Variants in CASP10 observed in about 807,000 individuals in gnomAD.
The protein encoded by CASP10 is caspase-10.
CASP10 carries 41 observed loss-of-function variants against 48.5 expected under a neutral mutation model. That is an observed-to-expected ratio of 0.85 (90% CI 0.66 to 1.10). The LOEUF (loss-of-function observed/expected upper bound fraction) is 1.10, where lower values mean the gene tolerates loss of function less well. Among genes scored for constraint, CASP10 ranks in the 50% least tolerant of loss-of-function variants. The pLI is 0.00. For missense variants in CASP10, 614 were observed against 614.5 expected (o/e 1.00, Z 0.01); for synonymous variants, 232 against 238.4 (o/e 0.97, Z 0.25).
intron 6 of CASP10, among the ~76,000 whole-genome samples, chr2:201,204,697 C>T (rs1253967398): frequency 1.3e-5 from 2 of 152,190 alleles, no homozygotes; most frequent in African/African-American, 4.8e-5. Flanking sequence ...AGCTTACTCT[C>T]CTAAGGCCAG....
At chr2:201,212,631 G>A (rs1576134913) in intron 9 of CASP10, 1 of 152,178 alleles carries the variant, frequency 6.6e-6, no homozygotes, top group African/African-American at 2.4e-5. Context: ...CAGCCAATTA[G>A]TAGAAAAGAT....
rs1945698780 is a variant in CASP10, at chr2:201,220,639, C to G, written c.*2898C>G. 1 of 576,908 alleles carries G rather than the reference C, an allele frequency of 1.7e-6. No individual in the cohort carries two copies. The highest frequency in any genetic ancestry group is 2.0e-5 in the African/African-American group (1 of 49,286). 35.7% of individuals were successfully genotyped at this position (576,908 alleles called of 1,614,324 possible). On this transcript the variant is annotated 3_prime_UTR_variant, in exon 10 of 10. Transcript: ENST00000286186. The stretch of plus-strand genomic sequence containing the variant: ...TGTAAGTGAGTGGGCTCTGACCTAA[C>G]TCGGCCAGAAGCCCCTTTCAAATTT...
chr2:201,189,102 C>A (rs923717282), intron 3 of CASP10, among the ~76,000 whole-genome samples: 7 of 151,920 alleles, frequency 4.6e-5, no homozygotes, highest in Non-Finnish European at 8.8e-5. Context: ...GAACTCCTGA[C>A]TTTAGGTGAT....
chr2:201,222,191 C>G (rs924275140), downstream of CASP10, among the ~76,000 whole-genome samples: 14 of 150,806 alleles, frequency 9.3e-5, no homozygotes, highest in African/African-American at 3.2e-4. Flanking sequence ...AAATGTTTCT[C>G]TCTTTCCCCT....
chr2:201,187,449 T>G (rs1248950506), intron 2 of CASP10, among the ~76,000 whole-genome samples: 1 of 152,108 alleles, frequency 6.6e-6, no homozygotes, highest in Admixed American at 6.6e-5. Flanking sequence ...TAAATATGCC[T>G]TCTTAGTGTG....
intron 3 of CASP10, among the ~76,000 whole-genome samples, chr2:201,192,013 T>C (rs901165142): frequency 3.3e-5 from 5 of 152,246 alleles, no homozygotes; most frequent in African/African-American, 4.8e-5. Context: ...AAACATCTAA[T>C]AAACTTTTAG....
At chr2:201,209,823 A>G (rs1421006845) in intron 9 of CASP10, among the ~76,000 whole-genome samples, 1 of 152,032 alleles carries the variant, frequency 6.6e-6, no homozygotes, top group Non-Finnish European at 1.5e-5. Context: ...TGTATTGAGT[A>G]CCAGCCTGGA....
Position 201,209,286 on chromosome 2 carries a change from A to G in CASP10, c.1139A>G (p.His380Arg), listed in dbSNP as rs1265165148. Residue 380 changes from histidine (H) to arginine (R), a missense_variant, in exon 9 of 10, where the codon CAC becomes CGC. Physicochemically the swap from His to Arg is conservative, Grantham distance 29. Coordinates refer to ENST00000286186, the MANE Select transcript of CASP10 (RefSeq NM_032977.4). ...ATTCCCATTCGGGAGATCATGTCTC[A>G]CTTCACAGCCCTGCAGTGCCCTAGA... is the stretch of plus-strand genomic sequence containing the variant. The part of the protein sequence containing the change: ...ALIPIREIMS[H>R]FTALQCPRLA... The G allele has an allele frequency of 1.9e-6, 3 of 1,614,112 alleles. No homozygotes were observed. Among genetic ancestry groups the G allele is most frequent in the Admixed American group, 3.3e-5 (2 of 60,022 alleles).
At position 201,192,973 on chromosome 2, in the gene CASP10, T is replaced by A; in HGVS notation, c.442-11T>A. 1 of 1,612,710 alleles carries A rather than the reference T, an allele frequency of 6.2e-7. No individual in the cohort carries two copies. Among genetic ancestry groups the A allele is most frequent in the Non-Finnish European group, 8.5e-7 (1 of 1,179,034 alleles). ...AGGCAAGTAAATGTAACTCTATTGA[T>A]TCTCTTGTAGACCTCCCTAAGTTTC... is the stretch of plus-strand genomic sequence containing the variant. On this transcript the variant is annotated splice_polypyrimidine_tract_variant and intron_variant, in intron 3 of 9. Transcript: ENST00000286186.
chr2:201,205,469 G>C (rs972922876), intron 6 of CASP10, among the ~76,000 whole-genome samples: 3 of 151,770 alleles, frequency 2.0e-5, no homozygotes, highest in Non-Finnish European at 2.9e-5. Context: ...GGGCTCAAGC[G>C]ATCAGCCCGT....
At chr2:201,215,587 A>C (rs10931932) in intron 9 of CASP10, among the ~76,000 whole-genome samples, 134,096 of 152,010 alleles carry the variant, frequency 0.88, 59,378 homozygotes, top group Non-Finnish European at 0.91. Flanking sequence ...TATTTCTGGG[A>C]TCTATATTCT....
intron 4 of CASP10, among the ~76,000 whole-genome samples, chr2:201,195,605 G>T (rs1944761874): frequency 6.6e-6 from 1 of 152,112 alleles, no homozygotes; most frequent in Admixed American, 6.5e-5. Flanking sequence ...GTCCAAGCTA[G>T]GATACTGGCT....
At chr2:201,200,914 G>A (rs1326550455) in intron 5 of CASP10, among the ~76,000 whole-genome samples, 3 of 152,026 alleles carry the variant, frequency 2.0e-5, no homozygotes, top group Admixed American at 2.0e-4. Context: ...AGGGAGAGAG[G>A]CTGCTCCCCT....
At chr2:201,199,672 T>C (rs1043155550) in intron 5 of CASP10, among the ~76,000 whole-genome samples, 7 of 151,124 alleles carry the variant, frequency 4.6e-5, no homozygotes, top group African/African-American at 7.3e-5. Context: ...CCTCCCAGGT[T>C]AAAGCAATTC....
intron 9 of CASP10, among the ~76,000 whole-genome samples, chr2:201,215,991 C>T (rs541550510): frequency 6.6e-6 from 1 of 151,992 alleles, no homozygotes; most frequent in East Asian, 1.9e-4. Context: ...CTGTAGGTCA[C>T]CTTGGGTAGT....
chr2:201,217,080 C>T (rs1337711168), intron 9 of CASP10, among the ~76,000 whole-genome samples: 3 of 152,184 alleles, frequency 2.0e-5, no homozygotes, highest in Non-Finnish European at 4.4e-5. Context: ...TGTTTCATAT[C>T]TGCATTCTAA....
At chr2:201,193,231 T>A in intron 4 of CASP10, 112 bp downstream of exon 4, 1 of 1,090,918 alleles carries the variant, frequency 9.2e-7, no homozygotes, top group Non-Finnish European at 1.4e-6. Flanking sequence ...TGAGGCAGAG[T>A]CTCACTCACT....
chr2:201,215,474 A>G (rs1357169527), intron 9 of CASP10, among the ~76,000 whole-genome samples: 2 of 151,872 alleles, frequency 1.3e-5, no homozygotes, highest in African/African-American at 4.8e-5. Flanking sequence ...CTGTGTATGG[A>G]TATTCAATTT....
chr2:201,202,415 GC>G (rs1206673144), intron 5 of CASP10, among the ~76,000 whole-genome samples: 1 of 152,164 alleles, frequency 6.6e-6, no homozygotes, highest in African/African-American at 2.4e-5. Flanking sequence ...AGACCTTAAA[GC>G]TTTTTTCTAG....
Sources: allele counts gnomAD v4.1 joint callset (sites outside exome capture counted in the v4.1 genomes callset), GRCh38; gene constraint gnomAD v4.1.1; transcripts MANE v1.5; gene names NCBI Gene and HGNC (gene_info 2026-07-23, HGNC 2026-07-21).